The following NMNAT2 variants were observed in gnomAD, a reference collection of about 807,000 sequenced individuals.
NMNAT2 encodes the protein nicotinamide nucleotide adenylyltransferase 2.
NMNAT2 carries 11 observed loss-of-function variants against 41.6 expected under a neutral mutation model. The observed-to-expected ratio is 0.26, with a 90% CI of 0.17 to 0.44. The LOEUF (loss-of-function observed/expected upper bound fraction) is 0.44. Among genes scored for constraint, NMNAT2 ranks in the 20% least tolerant of loss-of-function variants. NMNAT2 has a pLI of 1.00. For synonymous variants in NMNAT2, 148 were observed against 151.2 expected, an observed-to-expected ratio of 0.98 and a Z score of 0.16; for missense variants, 288 against 407.7, an observed-to-expected ratio of 0.71 and a Z score of 2.53.
rs1207894230 is a variant in NMNAT2, at chr1:183,376,080, C to G, written c.85+42103G>C. Reference sequence around the variant, plus strand: ...GGTAGGCCTAGGAAGTACTGGGGAACACCTAAGGAGTGCTGAAGAGGTCAT... The same window carrying G: ...GGTAGGCCTAGGAAGTACTGGGGAAGACCTAAGGAGTGCTGAAGAGGTCAT... On this transcript the variant is annotated intron_variant, in intron 1 of 10. Coordinates refer to ENST00000287713, the MANE Select transcript of NMNAT2 (RefSeq NM_015039.4). 2.0e-5 allele frequency among the ~76,000 whole-genome samples: 3 copies of G among 152,172 alleles called. No homozygotes were observed. In the East Asian group the frequency reaches 5.8e-4, roughly 29 times the overall value.
intron 1 of NMNAT2, among the ~76,000 whole-genome samples, chr1:183,369,845 C>G (rs772024629): frequency 3.9e-5 from 6 of 152,100 alleles, no homozygotes; most frequent in Non-Finnish European, 8.8e-5. Context: ...ATAAATTCAT[C>G]TATTCTAGGA....
chr1:183,263,765 G>A (rs1361665986), intron 8 of NMNAT2, among the ~76,000 whole-genome samples: 3 of 152,160 alleles, frequency 2.0e-5, no homozygotes, highest in Non-Finnish European at 4.4e-5. Flanking sequence ...CTGAGATCGC[G>A]CCACTGCACT....
intron 1 of NMNAT2, among the ~76,000 whole-genome samples, chr1:183,326,673 T>C (rs1320265890): frequency 6.6e-6 from 1 of 151,954 alleles, no homozygotes; most frequent in Non-Finnish European, 1.5e-5. Context: ...CATTGGGGGA[T>C]TTAAGAAAGA....
At position 183,271,590 on chromosome 1, in the gene NMNAT2, CAT is replaced by C. The variant is rs1197373259; in HGVS notation, c.651+6961_651+6962del. ...TTCAGGAACTCTTCTAAACTTTTCA[CAT>C]GTTATAGTTAATATAGTATAAAGAA... is the stretch of plus-strand genomic sequence containing the variant. On this transcript the variant is annotated intron_variant, in intron 8 of 10. Coordinates refer to ENST00000287713, the MANE Select transcript of NMNAT2 (RefSeq NM_015039.4). Among the ~76,000 whole-genome samples, 6 of 152,248 alleles carry C rather than the reference CAT, an allele frequency of 3.9e-5. No homozygotes were observed. The South Asian group carries it at 8.3e-4, about 21-fold the overall frequency.
intron 1 of NMNAT2, among the ~76,000 whole-genome samples, chr1:183,328,007 A>ACGTC (rs1246977374): frequency 6.6e-6 from 1 of 152,090 alleles, no homozygotes; most frequent in African/African-American, 2.4e-5. Flanking sequence ...TGGCTCATCA[A>ACGTC]CGTCAGCTGC....
chr1:183,346,946 A>G (rs1662942938), intron 1 of NMNAT2, among the ~76,000 whole-genome samples: 1 of 152,194 alleles, frequency 6.6e-6, no homozygotes. Context: ...GCAAACACAT[A>G]GAAACCCACC....
At chr1:183,382,538 G>A (rs542535356) in intron 1 of NMNAT2, among the ~76,000 whole-genome samples, 1 of 152,068 alleles carries the variant, frequency 6.6e-6, no homozygotes, top group African/African-American at 2.4e-5. Flanking sequence ...TTCCACCTAT[G>A]AGCCTGTAAA....
intron 10 of NMNAT2, 138 bp from the exon 11 acceptor site, chr1:183,252,881 C>T: frequency 1.6e-6 from 1 of 619,752 alleles, no homozygotes; most frequent in Non-Finnish European, 2.9e-6. Flanking sequence ...TAGGAAAGGC[C>T]CTCTTGCCTC....
chr1:183,286,558 C>A, intron 5 of NMNAT2, 104 bp downstream of exon 5: 1 of 965,568 alleles, frequency 1.0e-6, no homozygotes, highest in South Asian at 1.9e-5. Context: ...TTTCCCCTCT[C>A]AGACCTACTG....
chr1:183,323,750 T>G (rs1395049372), intron 1 of NMNAT2, among the ~76,000 whole-genome samples: 1 of 152,106 alleles, frequency 6.6e-6, no homozygotes, highest in Admixed American at 6.5e-5. Flanking sequence ...TTGTCATCCT[T>G]GCTTCCTATG....
intron 1 of NMNAT2, among the ~76,000 whole-genome samples, chr1:183,396,411 A>G (rs1286901998): frequency 6.6e-6 from 1 of 152,218 alleles, no homozygotes; most frequent in Non-Finnish European, 1.5e-5. Context: ...GGTGATCAGC[A>G]GCTTCCCAAT....
At chr1:183,331,358 G>A (rs565892222) in intron 1 of NMNAT2, among the ~76,000 whole-genome samples, 5 of 152,102 alleles carry the variant, frequency 3.3e-5, no homozygotes, top group Admixed American at 1.3e-4. Flanking sequence ...GACGGGAGGC[G>A]AGGCGAGGCG....
intron 10 of NMNAT2, among the ~76,000 whole-genome samples, chr1:183,260,286 A>G (rs562587646): frequency 1.3e-5 from 2 of 152,226 alleles, no homozygotes; most frequent in Non-Finnish European, 2.9e-5. Flanking sequence ...GCACCCAGAG[A>G]TGGAAGCTTC....
chr1:183,390,123 G>A (rs575061752), intron 1 of NMNAT2, among the ~76,000 whole-genome samples: 3 of 152,188 alleles, frequency 2.0e-5, no homozygotes, highest in Non-Finnish European at 4.4e-5. Context: ...GTACGGGAAG[G>A]TGGGGAACAT....
rs200881924 is a variant in NMNAT2, at chr1:183,252,642, T to C, written c.923A>G (p.Ter308TrpextTer40). The change falls in exon 11 of 11, where the codon TAG becomes TGG. Residue 308 changes from the stop codon to tryptophan, a stop_lost. Coordinates refer to ENST00000287713, the MANE Select transcript of NMNAT2 (RefSeq NM_015039.4). ...KSQLYINASG[*>W] Reference sequence around the variant, plus strand: ...GTGTTGCCGGAGGACGAGGGGCTGCTAGCCGGAGGCATTGATGTACAGCTG... The same window carrying C: ...GTGTTGCCGGAGGACGAGGGGCTGCCAGCCGGAGGCATTGATGTACAGCTG... 6.2e-7 allele frequency: 1 copy of C among 1,611,186 alleles called. No homozygotes were observed. Among genetic ancestry groups the C allele is most frequent in the Non-Finnish European group, 8.5e-7 (1 of 1,177,290 alleles).
At chr1:183,371,925 G>A (rs1002664704) in intron 1 of NMNAT2, among the ~76,000 whole-genome samples, 7 of 152,068 alleles carry the variant, frequency 4.6e-5, no homozygotes, top group Middle Eastern at 6.8e-3. Flanking sequence ...GACCACAGGC[G>A]TGCACCACCA....
At chr1:183,395,002 C>T (rs972847142) in intron 1 of NMNAT2, among the ~76,000 whole-genome samples, 1 of 152,156 alleles carries the variant, frequency 6.6e-6, no homozygotes, top group Non-Finnish European at 1.5e-5. Flanking sequence ...TGCCGTTCAG[C>T]CATTCTCCCA....
chr1:183,362,764 C>A (rs1249805531), intron 1 of NMNAT2, among the ~76,000 whole-genome samples: 2 of 152,078 alleles, frequency 1.3e-5, no homozygotes, highest in Non-Finnish European at 2.9e-5. Flanking sequence ...GTTTTCAATT[C>A]TCTTGCATAT....
chr1:183,360,414 C>T (rs1032898968), intron 1 of NMNAT2, among the ~76,000 whole-genome samples: 1 of 152,114 alleles, frequency 6.6e-6, no homozygotes, highest in African/African-American at 2.4e-5. Flanking sequence ...CTCACCTCTT[C>T]ATCTTCCTCC....
Sources: allele counts gnomAD v4.1 joint callset (sites outside exome capture counted in the v4.1 genomes callset), GRCh38; gene constraint gnomAD v4.1.1; transcripts MANE v1.5; gene names NCBI Gene and HGNC (gene_info 2026-07-23, HGNC 2026-07-21).